The following SLC38A1 variants were observed in gnomAD, a reference collection of about 807,000 sequenced individuals.
SLC38A1 encodes solute carrier family 38 member 1, also known as sodium-coupled neutral amino acid symporter 1.
A neutral mutation model predicts 60.3 loss-of-function variants in SLC38A1; 18 were observed. The ratio of observed to expected loss-of-function variants is 0.30; its 90% CI spans 0.21 to 0.44. The LOEUF is 0.44. Ranked by LOEUF, SLC38A1 falls within the 20% of genes least tolerant of loss-of-function variation. The pLI, the probability that SLC38A1 is intolerant of heterozygous loss-of-function variation, is 1.00. For missense variants in SLC38A1, 448 were observed against 587.2 expected (o/e 0.76, Z 2.45); for synonymous variants, 196 against 212.1 (o/e 0.92, Z 0.66).
At chr12:46,192,275 G>A (rs1313671654) in intron 16 of SLC38A1, among the ~76,000 whole-genome samples, 1 of 152,210 alleles carries the variant, frequency 6.6e-6, no homozygotes, top group African/African-American at 2.4e-5. Context: ...GCATCCCAGG[G>A]ATGAAGCTGA....
At chr12:46,195,862 C>T (rs965433128) in intron 16 of SLC38A1, 1 of 328,238 alleles carries the variant, frequency 3.0e-6, no homozygotes, top group Non-Finnish European at 6.0e-6. Context: ...TCTGTCATGG[C>T]TTCCCTTGGC....
chr12:46,255,936 G>C (rs1674274986), intron 1 of SLC38A1, among the ~76,000 whole-genome samples: 1 of 152,122 alleles, frequency 6.6e-6, no homozygotes, highest in Non-Finnish European at 1.5e-5. Context: ...GGCCGAGGCG[G>C]GTGGATCACA....
chr12:46,198,199 A>C, intron 14 of SLC38A1, 139 bp from the exon 15 acceptor site: 1 of 927,446 alleles, frequency 1.1e-6, no homozygotes, highest in Non-Finnish European at 1.6e-6. Flanking sequence ...TAGATAGCTT[A>C]ACAGTTTTGG....
At chr12:46,249,788 G>C (rs1941769418) in intron 1 of SLC38A1, among the ~76,000 whole-genome samples, 1 of 152,168 alleles carries the variant, frequency 6.6e-6, no homozygotes, top group African/African-American at 2.4e-5. Flanking sequence ...ACTAAACCAG[G>C]AAGAAGTGGA....
intron 1 of SLC38A1, among the ~76,000 whole-genome samples, chr12:46,243,941 A>G (rs1592137943): frequency 6.6e-6 from 1 of 152,214 alleles, no homozygotes; most frequent in African/African-American, 2.4e-5. Flanking sequence ...TTTATACTGC[A>G]TGGCGTTATA....
chr12:46,239,961 C>A, intron 2 of SLC38A1, 68 bp from the exon 3 acceptor site: 1 of 620,314 alleles, frequency 1.6e-6, no homozygotes, highest in Non-Finnish European at 2.7e-6. Context: ...TAAATTACCA[C>A]AAATAAACAA....
rs150218066 is a variant in SLC38A1 at position 46,233,332 on chromosome 12, C to T, written c.123-3693G>A. 3.3e-5 allele frequency among the ~76,000 whole-genome samples: 5 copies of T among 152,252 alleles called. 1 individual carries two copies. In the East Asian group the frequency reaches 9.6e-4, roughly 29 times the overall value. On this transcript the variant is annotated intron_variant, in intron 3 of 16. Transcript: ENST00000398637. ...AGCCACTGTGCTTGACCTAATCTGG[C>T]TAATTTTCATAACCAACTCAAGTCT...
intron 16 of SLC38A1, among the ~76,000 whole-genome samples, chr12:46,189,801 A>G (rs1210122607): frequency 6.6e-6 from 1 of 152,068 alleles, no homozygotes; most frequent in Non-Finnish European, 1.5e-5. Context: ...TACCCTGCAC[A>G]TGCGCTCTGC....
Position 46,248,025 on chromosome 12 carries a change from C to G in SLC38A1, c.-208-4711G>C, listed in dbSNP as rs574918039. On this transcript the variant is annotated intron_variant, in intron 1 of 16. Coordinates refer to ENST00000398637, the MANE Select transcript of SLC38A1 (RefSeq NM_030674.4). ...CCACCAGGCCTGCCATACAAGAGCT[C>G]CTGAAGGAAGCACTAAACATGGAAA... Among the ~76,000 whole-genome samples the G allele has an allele frequency of 6.6e-4, 101 of 152,254 alleles. 3 individuals are homozygous for G. The highest frequency in any genetic ancestry group is 2.4e-3 in the African/African-American group (101 of 41,532).
intron 6 of SLC38A1, 132 bp downstream of exon 6, chr12:46,208,922 T>A: frequency 1.5e-6 from 1 of 648,012 alleles, no homozygotes; most frequent in South Asian, 1.9e-5. Context: ...GGTCTTCCAA[T>A]CACTCTAGGT....
chr12:46,204,543 A>C lies in SLC38A1; in HGVS notation c.694T>G (p.Phe232Val). The change falls in exon 10 of 17, where the codon TTC (phenylalanine) becomes GTC (valine). Residue 232 changes from phenylalanine (F) to valine (V), a missense_variant. Phe to Val is a conservative substitution (Grantham distance 50). Coordinates refer to ENST00000398637, the MANE Select transcript of SLC38A1 (RefSeq NM_030674.4). ...CAATCAGCACTTACCACAATTAGGA[A>C]AAAAACCATACAGCTCAAGGAAAAT... The part of the protein sequence containing the change: ...SGFSLSCMVF[F>V]LIVVIYKKFQ... 6.2e-7 allele frequency: 1 copy of C among 1,612,992 alleles called. No homozygotes were observed. Among genetic ancestry groups the C allele is most frequent in the South Asian group, 1.1e-5 (1 of 90,630 alleles).
At chr12:46,243,166 A>G (rs955973491) in intron 2 of SLC38A1, 34 bp downstream of exon 2, 1 of 151,936 alleles carries the variant, frequency 6.6e-6, no homozygotes, top group African/African-American at 2.4e-5. Context: ...AATTTTTCAA[A>G]TGGAATAAAA....
At chr12:46,194,330 T>C (rs558350992) in intron 16 of SLC38A1, among the ~76,000 whole-genome samples, 1 of 152,332 alleles carries the variant, frequency 6.6e-6, no homozygotes, top group East Asian at 1.9e-4. Context: ...CTTCCTTTTG[T>C]AGGTAACCCA....
rs141109252 is a variant in SLC38A1, at chr12:46,206,337, T to C, written c.564-175A>G. ...AACACTTTAACCCAGCCCCTACTTA[T>C]ATACTACAGCTTCACTCCCCTGTAA... On this transcript the variant is annotated intron_variant, in intron 8 of 16. Coordinates refer to ENST00000398637, the MANE Select transcript of SLC38A1 (RefSeq NM_030674.4). Among the ~76,000 whole-genome samples the C allele has an allele frequency of 6.6e-3, 1,007 of 152,216 alleles. 15 individuals are homozygous for C. The highest frequency in any genetic ancestry group is 0.023 in the African/African-American group (965 of 41,526).
chr12:46,220,447 T>TA (rs1463368427), intron 5 of SLC38A1, among the ~76,000 whole-genome samples: 2 of 152,252 alleles, frequency 1.3e-5, no homozygotes, highest in Non-Finnish European at 2.9e-5. Context: ...TGAATGTGAC[T>TA]AGTCCGATGG....
intron 11 of SLC38A1, among the ~76,000 whole-genome samples, chr12:46,203,518 C>T (rs769725333): frequency 2.0e-5 from 3 of 152,208 alleles, no homozygotes; most frequent in Non-Finnish European, 4.4e-5. Flanking sequence ...TACTGCTCTT[C>T]GCTCTACATC....
At position 46,207,159 on chromosome 12, in the gene SLC38A1, A is replaced by C. The variant is rs1189660413; in HGVS notation, c.559T>G (p.Phe187Val). The C allele has an allele frequency of 6.2e-7, 1 of 1,604,990 alleles. No homozygotes were observed. The highest frequency in any genetic ancestry group is 8.5e-7 in the Non-Finnish European group (1 of 1,175,124). ...AAAAAATGGTCTATAACTTACGAAA[A>C]TGTCTCTTCCTTTCCCATTAGAAAC... is the stretch of plus-strand genomic sequence containing the variant. ...IKFLMGKEET[F>V]SAWYVDGRVL... Residue 187 changes from phenylalanine (F) to valine (V), a missense_variant, in exon 8 of 17, where the codon TTT (phenylalanine) becomes GTT (valine). Coordinates refer to ENST00000398637, the MANE Select transcript of SLC38A1 (RefSeq NM_030674.4).
chr12:46,198,542 G>T, intron 14 of SLC38A1, 83 bp downstream of exon 14: 1 of 894,814 alleles, frequency 1.1e-6, no homozygotes, highest in Non-Finnish European at 1.7e-6. Flanking sequence ...CCTGGGGCAG[G>T]CTTTCTCTGC....
chr12:46,256,996 G>A (rs1380313722), intron 1 of SLC38A1, among the ~76,000 whole-genome samples: 1 of 152,144 alleles, frequency 6.6e-6, no homozygotes, highest in African/African-American at 2.4e-5. Context: ...AGGAGAGAGA[G>A]AAAAGCATTG....
Sources: allele counts gnomAD v4.1 joint callset (sites outside exome capture counted in the v4.1 genomes callset), GRCh38; gene constraint gnomAD v4.1.1; transcripts MANE v1.5; gene names NCBI Gene and HGNC (gene_info 2026-07-23, HGNC 2026-07-21).